Variants in GTPBP6 observed in about 807,000 individuals in gnomAD.
GTPBP6 encodes putative GTP-binding protein 6.
GTPBP6 carries 33 observed loss-of-function variants against 28.9 expected under a neutral mutation model. The ratio of observed to expected loss-of-function variants is 1.14; its 90% CI spans 0.87 to 1.53. GTPBP6 has a LOEUF of 1.53. Among genes scored for constraint, GTPBP6 ranks in the 40% most tolerant of loss-of-function variants. The pLI is 0.00. For missense variants in GTPBP6, 507 were observed against 408.3 expected (o/e 1.24, Z -2.08); for synonymous variants, 231 against 192.7 (o/e 1.20, Z -1.65).
intron 1 of GTPBP6, 84 bp from the exon 2 acceptor site, chrX:317,135 C>G (rs2070453185): frequency 2.5e-6 from 1 of 398,168 alleles, no homozygotes; most frequent in African/African-American, 2.1e-5. Context: ...TCCTCCTGCC[C>G]TTGAGACAAT....
chrX:314,639 A>AT (rs1272637371), intron 4 of GTPBP6, among the ~76,000 whole-genome samples: 2 of 151,548 alleles, frequency 1.3e-5, no homozygotes, highest in African/African-American at 2.4e-5. Flanking sequence ...CGCCCGGCTA[A>AT]TTTTTTTCTT....
intron 8 of GTPBP6, 78 bp downstream of exon 8, chrX:307,651 CGAG>C (rs374444661): frequency 7.0e-7 from 1 of 1,426,288 alleles, no homozygotes; most frequent in African/African-American, 1.4e-5. Context: ...GCGGTTCACA[CGAG>C]GAGACGGGGC....
At chrX:309,991 G>C (rs2070251258) in intron 7 of GTPBP6, among the ~76,000 whole-genome samples, 1 of 142,218 alleles carries the variant, frequency 7.0e-6, no homozygotes, top group Admixed American at 6.8e-5. Flanking sequence ...AGAGACTGGA[G>C]TGATGCGGCC....
intron 1 of GTPBP6, among the ~76,000 whole-genome samples, chrX:317,568 G>GC (rs2070460724): frequency 1.7e-5 from 1 of 59,750 alleles, no homozygotes; most frequent in African/African-American, 1.2e-4. Context: ...GGGGTGGGGG[G>GC]TGGGACTAGA....
At chrX:314,868 C>A (rs1367603531) in intron 4 of GTPBP6, 22 bp downstream of exon 4, 12 of 399,316 alleles carry the variant, frequency 3.0e-5, no homozygotes, top group Admixed American at 2.6e-4. Flanking sequence ...ACGCTCGGCG[C>A]GGCCCAGGGG....
Position 305,308 on chromosome X carries a change from C to T in GTPBP6, c.1428-111G>A, listed in dbSNP as rs1307435009. On this transcript the variant is annotated intron_variant, in intron 9 of 9. Transcript: ENST00000326153. Reference sequence around the variant, plus strand: ...GCTTAGCTCAAACCATTCATCAGACCGTCCTGTTTCCTTTTGTTTTTTTTT... The same window carrying T: ...GCTTAGCTCAAACCATTCATCAGACTGTCCTGTTTCCTTTTGTTTTTTTTT... 4 of 819,370 alleles carry T rather than the reference C, an allele frequency of 4.9e-6. No individual in the cohort carries two copies. The South Asian group carries it at 6.6e-5, about 13-fold the overall frequency. 50.8% of individuals were successfully genotyped at this position (819,370 alleles called of 1,614,324 possible).
chrX:312,846 C>A (rs367857545), exon 6 of GTPBP6: 1 of 1,612,806 alleles, frequency 6.2e-7, no homozygotes, highest in South Asian at 1.1e-5. Flanking sequence ...CCTCTTCTTG[C>A]GAAGCCTGTC....
intron 9 of GTPBP6, among the ~76,000 whole-genome samples, 167 bp downstream of exon 9, chrX:307,193 T>G (rs999762914): frequency 6.8e-6 from 1 of 146,624 alleles, no homozygotes; most frequent in Non-Finnish European, 1.5e-5. Flanking sequence ...ACCTCTTGTA[T>G]GCACAGTCAC....
chrX:314,756 G>C (rs1372317318), intron 4 of GTPBP6, 134 bp downstream of exon 4: 8 of 393,610 alleles, frequency 2.0e-5, no homozygotes, highest in Non-Finnish European at 3.6e-5. Flanking sequence ...GATGACAGGC[G>C]TGAGCCACCG....
chrX:312,700 C>A (rs775975405), intron 6 of GTPBP6, 66 bp downstream of exon 6: 8 of 1,496,436 alleles, frequency 5.3e-6, no homozygotes, highest in Non-Finnish European at 7.3e-6. Context: ...CCCTGCCCTC[C>A]CCCGGGCGAG....
chrX:315,673 GAC>G (rs2070420267), intron 2 of GTPBP6, among the ~76,000 whole-genome samples: 1 of 33,640 alleles, frequency 3.0e-5, no homozygotes, highest in Admixed American at 3.3e-4. Context: ...TCCCGGCAGG[GAC>G]ACAAACACAT....
chrX:318,313 T>G, intron 1 of GTPBP6, 126 bp downstream of exon 1: 1 of 379,128 alleles, frequency 2.6e-6, no homozygotes, highest in Non-Finnish European at 4.5e-6. Flanking sequence ...CCCCTGAATC[T>G]CCACCTATGA....
intron 5 of GTPBP6, among the ~76,000 whole-genome samples, chrX:313,238 C>A (rs1478759959): frequency 6.6e-6 from 1 of 152,236 alleles, no homozygotes; most frequent in African/African-American, 2.4e-5. Flanking sequence ...TCATCGTGAG[C>A]GGGCTCAGTG....
exon 4 of GTPBP6, chrX:314,891 T>C: frequency 2.5e-6 from 1 of 398,822 alleles, no homozygotes; most frequent in East Asian, 3.6e-5. Context: ...CCACGATACC[T>C]GTGCAGCGGC....
At chrX:305,481 C>G (rs1002940360) in intron 9 of GTPBP6, among the ~76,000 whole-genome samples, 1 of 151,700 alleles carries the variant, frequency 6.6e-6, no homozygotes, top group Non-Finnish European at 1.5e-5. Flanking sequence ...GCCACCACAC[C>G]TGGCTAATTT....
chrX:308,156 C>G (rs758250515), intron 7 of GTPBP6, among the ~76,000 whole-genome samples: 2 of 150,592 alleles, frequency 1.3e-5, no homozygotes, highest in Non-Finnish European at 3.0e-5. Context: ...TATATGAGCA[C>G]CCAACCACCA....
At chrX:316,877 G>A in intron 2 of GTPBP6, 37 bp downstream of exon 2, 1 of 398,724 alleles carries the variant, frequency 2.5e-6, no homozygotes, top group Non-Finnish European at 4.4e-6. Flanking sequence ...GGACAGGAAA[G>A]GAGGTTTGGG....
exon 7 of GTPBP6, chrX:311,524 G>T: frequency 6.2e-7 from 1 of 1,612,238 alleles, no homozygotes; most frequent in Non-Finnish European, 8.5e-7. Context: ...TCATGCGTGA[G>T]GGCAGCGTGC....
intron 6 of GTPBP6, chrX:312,087 G>A: frequency 2.2e-6 from 1 of 455,446 alleles, no homozygotes; most frequent in Non-Finnish European, 4.3e-6. Context: ...AGGCGATGGT[G>A]TAGACAGATG....
Sources: allele counts gnomAD v4.1 joint callset (sites outside exome capture counted in the v4.1 genomes callset), GRCh38; gene constraint gnomAD v4.1.1; transcripts MANE v1.5; gene names NCBI Gene and HGNC (gene_info 2026-07-23, HGNC 2026-07-21).